The following SSH2 variants were observed in gnomAD, a reference collection of about 807,000 sequenced individuals.
SSH2 encodes slingshot protein phosphatase 2.
SSH2 carries 37 observed loss-of-function variants against 135.2 expected under a neutral mutation model. The ratio of observed to expected loss-of-function variants is 0.27; its 90% CI spans 0.21 to 0.36. SSH2 has a LOEUF of 0.36. Among genes scored for constraint, SSH2 ranks in the 10% least tolerant of loss-of-function variants. The pLI, the probability that SSH2 is intolerant of heterozygous loss-of-function variation, is 1.00. For synonymous variants in SSH2, 628 were observed against 646.2 expected, an observed-to-expected ratio of 0.97 and a Z score of 0.43; for missense variants, 1,408 against 1,765.3, an observed-to-expected ratio of 0.80 and a Z score of 3.63.
intron 5 of SSH2, among the ~76,000 whole-genome samples, chr17:29,685,078 T>C (rs1370249891): frequency 1.3e-5 from 2 of 152,196 alleles, no homozygotes; most frequent in African/African-American, 4.8e-5. Flanking sequence ...AGAGATGCAA[T>C]TCCCACAAAC....
chr17:29,699,127 T>C (rs1055398021), intron 4 of SSH2, among the ~76,000 whole-genome samples: 2 of 152,218 alleles, frequency 1.3e-5, no homozygotes, highest in Admixed American at 1.3e-4. Flanking sequence ...TGATATAGCA[T>C]TAAGATAACC....
intron 3 of SSH2, among the ~76,000 whole-genome samples, chr17:29,731,663 C>G (rs1353724003): frequency 1.3e-5 from 2 of 152,032 alleles, no homozygotes; most frequent in African/African-American, 2.4e-5. Context: ...ACCATGTTGG[C>G]CAGGATGGTC....
intron 12 of SSH2, among the ~76,000 whole-genome samples, chr17:29,652,813 A>G (rs924740703): frequency 3.3e-5 from 5 of 151,064 alleles, no homozygotes; most frequent in African/African-American, 1.2e-4. Flanking sequence ...GTGCGCCACC[A>G]CTCCCACCTA....
chr17:29,828,810 A>ATT (rs1280259583), intron 2 of SSH2, among the ~76,000 whole-genome samples: 1 of 152,214 alleles, frequency 6.6e-6, no homozygotes, highest in African/African-American at 2.4e-5. Flanking sequence ...ATTGTGGGAA[A>ATT]CAAAGACACA....
chr17:29,848,051 C>T (rs1567606604), intron 2 of SSH2, among the ~76,000 whole-genome samples: 1 of 152,166 alleles, frequency 6.6e-6, no homozygotes, highest in Non-Finnish European at 1.5e-5. Flanking sequence ...TCTAACACCA[C>T]AGGTTTGCCC....
At chr17:29,688,966 C>T (rs1425248571) in intron 5 of SSH2, among the ~76,000 whole-genome samples, 1 of 152,046 alleles carries the variant, frequency 6.6e-6, no homozygotes, top group Admixed American at 6.6e-5. Flanking sequence ...GATCAGCTGG[C>T]CAACAGGGCA....
At chr17:29,756,039 G>C (rs2041106875) in intron 3 of SSH2, among the ~76,000 whole-genome samples, 1 of 150,498 alleles carries the variant, frequency 6.6e-6, no homozygotes, top group African/African-American at 2.4e-5. Context: ...GCCGAGGCAG[G>C]CGGATCACCT....
At chr17:29,659,775 G>A (rs1387999102) in intron 11 of SSH2, among the ~76,000 whole-genome samples, 1 of 152,206 alleles carries the variant, frequency 6.6e-6, no homozygotes, top group Non-Finnish European at 1.5e-5. Context: ...TGATCTGCCT[G>A]CCTTGGCCTC....
At chr17:29,741,935 T>A (rs1226900992) in intron 3 of SSH2, among the ~76,000 whole-genome samples, 1 of 47,810 alleles carries the variant, frequency 2.1e-5, no homozygotes, top group African/African-American at 1.1e-4. Flanking sequence ...TTTTTTTTTC[T>A]TTTTTTTTTT....
chr17:29,759,412 A>G (rs1383759891), intron 3 of SSH2, among the ~76,000 whole-genome samples: 3 of 152,200 alleles, frequency 2.0e-5, no homozygotes, highest in African/African-American at 4.8e-5. Flanking sequence ...TTTACTGGCC[A>G]TGAATATACA....
At chr17:29,846,043 T>G (rs1054063682) in intron 2 of SSH2, among the ~76,000 whole-genome samples, 3 of 148,786 alleles carry the variant, frequency 2.0e-5, no homozygotes, top group Non-Finnish European at 4.5e-5. Flanking sequence ...CTGAACAATT[T>G]TTTTTTTTTT....
chr17:29,732,598 T>C (rs2040232337), intron 3 of SSH2, among the ~76,000 whole-genome samples: 1 of 152,164 alleles, frequency 6.6e-6, no homozygotes, highest in Non-Finnish European at 1.5e-5. Context: ...ACAGTAGAAA[T>C]GGAGACCAGC....
intron 14 of SSH2, chr17:29,643,051 T>C (rs917147792): frequency 8.1e-6 from 7 of 859,814 alleles, no homozygotes; most frequent in Non-Finnish European, 9.8e-6. Flanking sequence ...AAATGGACTT[T>C]CTCTGCAAAC....
chr17:29,678,713 C>CTTTTTTTTT lies in SSH2; in HGVS notation c.480-981_480-973dup, dbSNP rs55889704. On this transcript the variant is annotated intron_variant, in intron 6 of 15. Coordinates refer to ENST00000540801, the MANE Select transcript of SSH2 (RefSeq NM_001282129.2). ...AGTATGGTATTTAAAAATACTATTT[C>CTTTTTTTTT]TTTTTTTTTTTTTTTTTTTGAGACA... 6.2e-4 allele frequency among the ~76,000 whole-genome samples: 69 copies of CTTTTTTTTT among 112,006 alleles called. 2 individuals are homozygous for CTTTTTTTTT. The highest frequency in any genetic ancestry group is 1.2e-3 in the South Asian group (4 of 3,472). The allele number at this position is 112,006 out of a possible 152,430, so 73.5% of individuals were successfully genotyped here.
At chr17:29,872,635 G>A (rs930293971) in intron 1 of SSH2, among the ~76,000 whole-genome samples, 7 of 152,048 alleles carry the variant, frequency 4.6e-5, no homozygotes, top group Non-Finnish European at 1.0e-4. Flanking sequence ...AGGAGCTAGC[G>A]GTCTCGTAAC....
intron 3 of SSH2, chr17:29,761,444 C>T: frequency 1.0e-6 from 1 of 996,710 alleles, no homozygotes; most frequent in Non-Finnish European, 1.2e-6. Context: ...ACGGGCGTCG[C>T]CAGCAGTTCG....
chr17:29,786,336 A>G (rs2041963384), intron 3 of SSH2, among the ~76,000 whole-genome samples: 1 of 152,190 alleles, frequency 6.6e-6, no homozygotes, highest in African/African-American at 2.4e-5. Flanking sequence ...TTGCATGGGG[A>G]GGAGCCTGGC....
intron 9 of SSH2, among the ~76,000 whole-genome samples, chr17:29,670,379 A>G (rs1472060883): frequency 6.6e-6 from 1 of 152,202 alleles, no homozygotes; most frequent in Non-Finnish European, 1.5e-5. Context: ...TGAGATCTTG[A>G]AAAGACCAAG....
At chr17:29,677,864 A>ATAAGATTAATAATAAT (rs1157408662) in intron 6 of SSH2, 123 bp from the exon 7 acceptor site, 3 of 700,916 alleles carry the variant, frequency 4.3e-6, no homozygotes, top group Non-Finnish European at 7.4e-6. Flanking sequence ...TAAGTGTTAC[A>ATAAGATTAATAATAAT]ATGAAGAAAT....
Sources: allele counts gnomAD v4.1 joint callset (sites outside exome capture counted in the v4.1 genomes callset), GRCh38; gene constraint gnomAD v4.1.1; transcripts MANE v1.5; gene names NCBI Gene and HGNC (gene_info 2026-07-23, HGNC 2026-07-21).